The following ADGRL2 variants were observed in gnomAD, a reference collection of about 807,000 sequenced individuals.
ADGRL2 encodes the protein adhesion G protein-coupled receptor L2.
In ADGRL2, 44 loss-of-function variants were observed where a neutral mutation model predicts 157.4. That is an observed-to-expected ratio of 0.28 (90% CI 0.22 to 0.36). ADGRL2 has a LOEUF of 0.36. Ranked by LOEUF, ADGRL2 falls within the 10% of genes least tolerant of loss-of-function variation. ADGRL2 has a pLI of 1.00. For synonymous variants in ADGRL2, 585 were observed against 624.7 expected, an observed-to-expected ratio of 0.94 and a Z score of 0.95; for missense variants, 1,510 against 1,768.9, an observed-to-expected ratio of 0.85 and a Z score of 2.63.
intron 2 of ADGRL2, among the ~76,000 whole-genome samples, chr1:81,537,303 G>T (rs147791537): frequency 1.4e-3 from 220 of 152,126 alleles, no homozygotes; most frequent in African/African-American, 5.2e-3. Context: ...TTGTTTTTGA[G>T]ATGGAATTTC....
chr1:81,555,265 C>CTTT (rs71666308), intron 2 of ADGRL2, among the ~76,000 whole-genome samples: 1 of 115,936 alleles, frequency 8.6e-6, no homozygotes, highest in African/African-American at 3.3e-5. Flanking sequence ...TATTTCTTTT[C>CTTT]TTTTTTTTTT....
chr1:81,498,917 CATA>C (rs2147999888), intron 2 of ADGRL2, among the ~76,000 whole-genome samples: 1 of 152,248 alleles, frequency 6.6e-6, no homozygotes, highest in South Asian at 2.1e-4. Context: ...GGCCAGGAAG[CATA>C]ATAATTGTGT....
At chr1:81,883,509 C>A (rs76114091) in intron 2 of ADGRL2, among the ~76,000 whole-genome samples, 6 of 152,064 alleles carry the variant, frequency 3.9e-5, no homozygotes, top group East Asian at 3.9e-4. Flanking sequence ...AGAGTATAAG[C>A]GAATCCATTT....
At chr1:81,324,274 C>G (rs1660730140) in intron 1 of ADGRL2, among the ~76,000 whole-genome samples, 1 of 151,602 alleles carries the variant, frequency 6.6e-6, no homozygotes, top group South Asian at 2.1e-4. Context: ...GAGGCCAAGG[C>G]AGGGAAATCA....
At chr1:81,882,922 A>G (rs1193475567) in intron 2 of ADGRL2, among the ~76,000 whole-genome samples, 3 of 152,226 alleles carry the variant, frequency 2.0e-5, no homozygotes, top group Non-Finnish European at 4.4e-5. Context: ...CCTATACAAT[A>G]CAGTCCAAAT....
At chr1:81,578,016 T>A (rs977878586) in intron 2 of ADGRL2, among the ~76,000 whole-genome samples, 1 of 152,198 alleles carries the variant, frequency 6.6e-6, no homozygotes, top group Non-Finnish European at 1.5e-5. Context: ...TTACATGAAT[T>A]CCAAAGGCTG....
intron 1 of ADGRL2, among the ~76,000 whole-genome samples, chr1:81,344,835 C>T (rs1420294645): frequency 6.6e-6 from 1 of 152,028 alleles, no homozygotes; most frequent in African/African-American, 2.4e-5. Context: ...AAGTGAAGTT[C>T]CAGCATATGT....
intron 3 of ADGRL2, among the ~76,000 whole-genome samples, chr1:81,606,891 A>G (rs531900772): frequency 1.4e-4 from 21 of 152,222 alleles, no homozygotes; most frequent in African/African-American, 5.1e-4. Context: ...CACAAAGTCA[A>G]CTGTAGTACA....
intron 18 of ADGRL2, 71 bp from the exon 19 acceptor site, chr1:81,981,737 G>T (rs1225949112): frequency 8.1e-7 from 1 of 1,227,880 alleles, no homozygotes; most frequent in Admixed American, 2.1e-5. Context: ...CTACTGATAT[G>T]TTAACATTTA....
rs2149545478 is a variant in ADGRL2 at position 81,990,753 on chromosome 1, C to T, written c.4018C>T (p.Gln1340Ter). Reference sequence around the variant, plus strand: ...AGAACTCGAGGCACCACTTATTCCTCAGCGGACTCACTCCCTTCTGTACCA... The same window carrying T: ...AGAACTCGAGGCACCACTTATTCCTTAGCGGACTCACTCCCTTCTGTACCA... Reference protein sequence around the residue: ...HKELEAPLIPQRTHSLLYQPQ... With the variant: ...HKELEAPLIP The change falls in exon 24 of 24, where the codon CAG becomes TAG. Residue 1340 changes from glutamine (Q) to a stop codon, truncating the protein, a stop_gained. Coordinates refer to ENST00000686636, the MANE Select transcript of ADGRL2 (RefSeq NM_001366006.2). LOFTEE classifies it high-confidence loss of function. 6.2e-7 allele frequency: 1 copy of T among 1,614,108 alleles called. No homozygotes were observed. The highest frequency in any genetic ancestry group is 1.1e-5 in the South Asian group (1 of 91,074).
intron 3 of ADGRL2, among the ~76,000 whole-genome samples, chr1:81,682,609 G>T (rs985868917): frequency 6.6e-6 from 1 of 152,154 alleles, no homozygotes; most frequent in African/African-American, 2.4e-5. Context: ...CCACAGAGAG[G>T]GGGCAGCTCC....
intron 1 of ADGRL2, among the ~76,000 whole-genome samples, chr1:81,356,381 GA>G (rs1353834044): frequency 6.6e-6 from 1 of 152,140 alleles, no homozygotes; most frequent in Non-Finnish European, 1.5e-5. Flanking sequence ...ACCAGACATG[GA>G]ATCAAATTCT....
upstream of ADGRL2, among the ~76,000 whole-genome samples, chr1:81,796,206 G>A (rs909397595): frequency 1.4e-4 from 21 of 152,114 alleles, no homozygotes; most frequent in African/African-American, 4.8e-4. Flanking sequence ...GGCCAGGATG[G>A]TCTTGAACTC....
At chr1:81,363,112 T>A (rs996720427) in intron 1 of ADGRL2, among the ~76,000 whole-genome samples, 2 of 152,096 alleles carry the variant, frequency 1.3e-5, no homozygotes, top group African/African-American at 4.8e-5. Flanking sequence ...AAAACGAATA[T>A]CTTAAATCAT....
intron 1 of ADGRL2, among the ~76,000 whole-genome samples, chr1:81,701,056 G>A (rs1215353422): frequency 3.9e-5 from 6 of 152,162 alleles, no homozygotes; most frequent in South Asian, 2.1e-4. Context: ...GACAGGGTAC[G>A]GCACACACGG....
chr1:81,791,691 G>C (rs567112148), intron 2 of ADGRL2, among the ~76,000 whole-genome samples: 2 of 152,196 alleles, frequency 1.3e-5, no homozygotes, highest in East Asian at 3.9e-4. Context: ...ATTATGTTCT[G>C]TGTAGGATAT....
Position 81,549,417 on chromosome 1 carries a change from C to T in ADGRL2, c.-247-31459C>T, listed in dbSNP as rs527366010. On this transcript the variant is annotated intron_variant, in intron 2 of 24. Transcript: ENST00000370721. ...CCTTACAAAGTTACTTGACCTTTTTCAGTTTCAGATTTCTCACCTGCAGAT... is the reference window on the plus strand; with the variant it reads ...CCTTACAAAGTTACTTGACCTTTTTTAGTTTCAGATTTCTCACCTGCAGAT... Among the ~76,000 whole-genome samples, 13 of 152,268 alleles carry T rather than the reference C, an allele frequency of 8.5e-5. No individual in the cohort carries two copies. The South Asian group carries it at 2.7e-3, about 32-fold the overall frequency.
chr1:81,651,552 G>A (rs1413122313), intron 3 of ADGRL2, among the ~76,000 whole-genome samples: 4 of 152,170 alleles, frequency 2.6e-5, no homozygotes, highest in Non-Finnish European at 5.9e-5. Context: ...CAAATGTGGA[G>A]AATAAAGAAT....
rs147869409 is a variant in ADGRL2 at position 81,523,890 on chromosome 1, C to T, written c.-247-56986C>T. Among the ~76,000 whole-genome samples, 715 of 151,798 alleles carry T rather than the reference C, an allele frequency of 4.7e-3. 6 individuals are homozygous for T. Among genetic ancestry groups the T allele is most frequent in the Non-Finnish European group, 6.7e-3 (452 of 67,944 alleles). ...CAGCCCAGCGAAGATAGTGAAACCT[C>T]GTCTCTACTAAAAATACAAAAGAAA... On this transcript the variant is annotated intron_variant, in intron 2 of 24. Transcript: ENST00000370721.
Sources: gnomAD v4.1 joint callset for allele counts (sites outside exome capture counted in the v4.1 genomes callset) on GRCh38, gnomAD v4.1.1 for gene constraint, MANE v1.5 for transcripts, NCBI Gene and HGNC (gene_info 2026-07-23, HGNC 2026-07-21) for gene names.